The following RAB6B variants were observed in gnomAD, a reference collection of about 807,000 sequenced individuals.
The protein encoded by RAB6B is RAB6B, member RAS oncogene family.
Under a neutral mutation model 31.2 loss-of-function variants are expected in RAB6B, and 7 were observed. That is an observed-to-expected ratio of 0.22 (90% confidence interval 0.13 to 0.42). RAB6B has a LOEUF of 0.42. Among genes scored for constraint, RAB6B ranks in the 10% least tolerant of loss-of-function variants. The pLI, the probability that RAB6B is intolerant of heterozygous loss-of-function variation, is 1.00. For synonymous variants in RAB6B, 105 were observed against 104.9 expected, an observed-to-expected ratio of 1.00 and a Z score of -0.01; for missense variants, 149 against 280.6, an observed-to-expected ratio of 0.53 and a Z score of 3.35.
In RAB6B at chr3:133,861,754, G is replaced by A. The variant is rs953724430; in HGVS notation, c.129+2830C>T. 7.2e-5 allele frequency among the ~76,000 whole-genome samples: 11 copies of A among 152,300 alleles called. No individual in the cohort carries two copies. In the East Asian group the frequency reaches 2.1e-3, roughly 29 times the overall value. The stretch of plus-strand genomic sequence containing the variant: ...TAGTGGGGCCAGAGACAGAAAGTGT[G>A]GGATGGAAAGAGGGAAGGAGGGGTA... On this transcript the variant is annotated intron_variant, in intron 2 of 7. Transcript: ENST00000285208.
intron 1 of RAB6B, among the ~76,000 whole-genome samples, chr3:133,865,442 T>A (rs1177599703): frequency 6.6e-6 from 1 of 152,220 alleles, no homozygotes; most frequent in Non-Finnish European, 1.5e-5. Context: ...GCAGCTCCCC[T>A]GGGGCCTGGC....
chr3:133,838,130 G>A (rs201241833), intron 6 of RAB6B, 36 bp downstream of exon 6: 9 of 286,414 alleles, frequency 3.1e-5, no homozygotes, highest in Non-Finnish European at 5.1e-5. Context: ...ACCGTGCCGG[G>A]CCCCGTGCCG....
intron 7 of RAB6B, among the ~76,000 whole-genome samples, chr3:133,833,129 C>T (rs1468273107): frequency 3.3e-5 from 5 of 152,180 alleles, no homozygotes; most frequent in African/African-American, 1.2e-4. Context: ...CTTGTTCCTG[C>T]TCCTATGTTT....
rs1935590322 is a variant in RAB6B at position 133,827,747 on chromosome 3, C to CCCCCCCCG, written c.*1040_*1041insCGGGGGGG. 7.0e-5 allele frequency: 1 copy of CCCCCCCCG among 14,370 alleles called. No individual in the cohort carries two copies. Among genetic ancestry groups the CCCCCCCCG allele is most frequent in the Non-Finnish European group, 1.7e-4 (1 of 6,010 alleles). 0.9% of individuals were successfully genotyped at this position (14,370 alleles called of 1,614,324 possible). A position where few individuals can be genotyped will look rare whatever the true frequency, so the allele number is the denominator to read the frequency against. On this transcript the variant is annotated 3_prime_UTR_variant, in exon 8 of 8. Transcript: ENST00000285208. ...CAAGGTGGTGGTTCTGCAGACAACACCCCCCCCCCCCCCCGCCTCCCCATC... is the reference window on the plus strand; with the variant it reads ...CAAGGTGGTGGTTCTGCAGACAACACCCCCCCCGCCCCCCCCCCCCCCGCCTCCCCATC...
chr3:133,865,931 G>T (rs1198785328), intron 1 of RAB6B, among the ~76,000 whole-genome samples: 1 of 152,210 alleles, frequency 6.6e-6, no homozygotes, highest in Non-Finnish European at 1.5e-5. Flanking sequence ...CTGTGTTTGG[G>T]CTAAATTCAG....
chr3:133,880,359 T>C (rs954980579), intron 1 of RAB6B, among the ~76,000 whole-genome samples: 39 of 152,352 alleles, frequency 2.6e-4, no homozygotes, highest in Admixed American at 2.4e-3. Flanking sequence ...GCGAAACTTG[T>C]GTTTCCCAGG....
chr3:133,866,981 C>T (rs910235231), intron 1 of RAB6B, among the ~76,000 whole-genome samples: 7 of 152,208 alleles, frequency 4.6e-5, no homozygotes, highest in Non-Finnish European at 7.3e-5. Context: ...CTCTTCTCCC[C>T]AGGGCCTCCA....
In RAB6B at chr3:133,887,361, T is replaced by C. The variant is rs1461058590; in HGVS notation, c.70+8036A>G. ...ATTGTGCCCCCAGGGAGGGTTGCAC[T>C]CAGGTGTAGGGGGCCAGGAATGCCT... On this transcript the variant is annotated intron_variant, in intron 1 of 7. Coordinates refer to ENST00000285208, the MANE Select transcript of RAB6B (RefSeq NM_016577.4). Among the ~76,000 whole-genome samples the C allele has an allele frequency of 2.0e-5, 3 of 152,198 alleles. No homozygotes were observed. The East Asian group carries it at 5.8e-4, about 29-fold the overall frequency.
chr3:133,881,210 A>C (rs1432125081), intron 1 of RAB6B, among the ~76,000 whole-genome samples: 1 of 152,222 alleles, frequency 6.6e-6, no homozygotes, highest in African/African-American at 2.4e-5. Context: ...TGGGTCCCTA[A>C]GGTTAGCCCT....
At chr3:133,864,494 G>T in intron 2 of RAB6B, 90 bp downstream of exon 2, 1 of 1,322,582 alleles carries the variant, frequency 7.6e-7, no homozygotes, top group Non-Finnish European at 1.1e-6. Flanking sequence ...GGGAACCCAG[G>T]GCCATTCCAC....
chr3:133,853,186 C>T (rs1936026308), intron 2 of RAB6B, among the ~76,000 whole-genome samples: 1 of 152,140 alleles, frequency 6.6e-6, no homozygotes, highest in Admixed American at 6.5e-5. Flanking sequence ...TACATTTCAT[C>T]TCAAAGGTCA....
At chr3:133,863,829 T>C (rs1437734877) in intron 2 of RAB6B, among the ~76,000 whole-genome samples, 6 of 152,246 alleles carry the variant, frequency 3.9e-5, no homozygotes, top group Admixed American at 3.9e-4. Flanking sequence ...TTAAAAGAGT[T>C]GAAATGATTA....
At chr3:133,840,339 G>A (rs901566053) in intron 4 of RAB6B, among the ~76,000 whole-genome samples, 1 of 152,184 alleles carries the variant, frequency 6.6e-6, no homozygotes, top group Non-Finnish European at 1.5e-5. Context: ...TCGGCAGCCT[G>A]CACACCCAAG....
chr3:133,890,497 C>T (rs548137107), intron 1 of RAB6B, among the ~76,000 whole-genome samples: 220 of 152,138 alleles, frequency 1.4e-3, no homozygotes, highest in Non-Finnish European at 2.3e-3. Context: ...CCCAGCTACT[C>T]GGGAGGCTGA....
intron 3 of RAB6B, 97 bp from the exon 4 acceptor site, chr3:133,841,487 G>A (rs1559901643): frequency 2.0e-6 from 3 of 1,532,322 alleles, no homozygotes; most frequent in Admixed American, 1.7e-5. Context: ...CTGCAATGCT[G>A]GCATCACCAG....
intron 1 of RAB6B, among the ~76,000 whole-genome samples, chr3:133,872,990 C>T (rs1936346699): frequency 6.6e-6 from 1 of 152,164 alleles, no homozygotes; most frequent in South Asian, 2.1e-4. Context: ...CCTTCTCCTG[C>T]ACCAGCTAGG....
intron 1 of RAB6B, chr3:133,885,424 G>A (rs2108014758): frequency 1.4e-6 from 1 of 698,354 alleles, no homozygotes; most frequent in East Asian, 2.7e-5. Flanking sequence ...ATGATCAGAG[G>A]ACGGGAACTC....
At chr3:133,878,472 C>T (rs61480060) in intron 1 of RAB6B, among the ~76,000 whole-genome samples, 199 of 152,146 alleles carry the variant, frequency 1.3e-3, no homozygotes, top group African/African-American at 4.8e-3. Context: ...GAGATAAAGA[C>T]TTTTTCAAAC....
At chr3:133,868,784 G>T (rs1006743625) in intron 1 of RAB6B, among the ~76,000 whole-genome samples, 2 of 152,208 alleles carry the variant, frequency 1.3e-5, no homozygotes, top group African/African-American at 2.4e-5. Flanking sequence ...CTAGAAAGAA[G>T]GAGAGGAAAC....
Sources: gnomAD v4.1 joint callset for allele counts (sites outside exome capture counted in the v4.1 genomes callset) on GRCh38, gnomAD v4.1.1 for gene constraint, MANE v1.5 for transcripts, NCBI Gene and HGNC (gene_info 2026-07-23, HGNC 2026-07-21) for gene names.